SPATA1: variants seen among roughly 807,000 people sequenced by gnomAD.
SPATA1 encodes the protein spermatogenesis-associated protein 1.
In SPATA1, 57 loss-of-function variants were observed where a neutral mutation model predicts 59.6. The observed-to-expected ratio is 0.96, with a 90% CI of 0.77 to 1.19. The LOEUF (loss-of-function observed/expected upper bound fraction) is 1.19, where lower values mean the gene tolerates loss of function less well. SPATA1 is among the 50% of genes most tolerant of loss of function. The pLI is 0.00. For synonymous variants in SPATA1, 147 were observed against 163.9 expected, an observed-to-expected ratio of 0.90 and a Z score of 0.79; for missense variants, 448 against 480.7, an observed-to-expected ratio of 0.93 and a Z score of 0.64.
chr1:84,520,310 A>G (rs17110695), intron 2 of SPATA1: 13,484 of 298,908 alleles, frequency 0.045, 523 homozygotes, highest in African/African-American at 0.12. Flanking sequence ...TTCTTACTGC[A>G]GGCCACAGAA....
chr1:84,514,143 C>G (rs1289075713), intron 1 of SPATA1, among the ~76,000 whole-genome samples: 3 of 152,150 alleles, frequency 2.0e-5, no homozygotes, highest in Admixed American at 1.3e-4. Context: ...CCACGCCCGG[C>G]TCTCTTTTCT....
At chr1:84,525,781 A>C (rs539475469) in intron 5 of SPATA1, 32 bp downstream of exon 5, 1 of 1,604,934 alleles carries the variant, frequency 6.2e-7, no homozygotes, top group Admixed American at 1.8e-5. Flanking sequence ...ACTTATGCTA[A>C]TTTTTAACTT....
intron 1 of SPATA1, among the ~76,000 whole-genome samples, chr1:84,512,949 A>G (rs1362546806): frequency 1.3e-5 from 2 of 152,210 alleles, no homozygotes; most frequent in Non-Finnish European, 2.9e-5. Flanking sequence ...ATTTTTGGTT[A>G]TTGAGATATC....
intron 1 of SPATA1, among the ~76,000 whole-genome samples, chr1:84,513,372 TG>T (rs1218230884): frequency 6.6e-6 from 1 of 152,212 alleles, no homozygotes; most frequent in Non-Finnish European, 1.5e-5. Flanking sequence ...CGACCACAGG[TG>T]ATCTGCCTGC....
At chr1:84,548,505 G>A (rs1029541719) in intron 10 of SPATA1, among the ~76,000 whole-genome samples, 6 of 147,292 alleles carry the variant, frequency 4.1e-5, no homozygotes, top group Non-Finnish European at 8.9e-5. Flanking sequence ...ACTATTCAAT[G>A]TATTACTTTT....
intron 1 of SPATA1, among the ~76,000 whole-genome samples, chr1:84,512,131 G>A (rs534155141): frequency 3.3e-5 from 5 of 152,266 alleles, no homozygotes; most frequent in African/African-American, 1.2e-4. Flanking sequence ...TAGACTTCAC[G>A]CCTTGGTGAT....
intron 4 of SPATA1, chr1:84,564,019 T>C (rs560446920): frequency 1.1e-4 from 29 of 268,792 alleles, no homozygotes; most frequent in Non-Finnish European, 1.7e-4. Context: ...TTCTAAACCA[T>C]TTCTCTTTGA....
At chr1:84,511,567 A>G (rs1682548874) in intron 1 of SPATA1, among the ~76,000 whole-genome samples, 1 of 151,568 alleles carries the variant, frequency 6.6e-6, no homozygotes. Context: ...GGACGTGTCT[A>G]GAAAACAAAC....
chr1:84,533,000 C>A, intron 7 of SPATA1, 26 bp downstream of exon 7: 2 of 1,425,120 alleles, frequency 1.4e-6, no homozygotes, highest in Non-Finnish European at 1.9e-6. Flanking sequence ...GCTGATTCCA[C>A]ATGCCATAAT....
downstream of SPATA1, among the ~76,000 whole-genome samples, chr1:84,557,531 C>A (rs1684471826): frequency 2.8e-5 from 2 of 71,242 alleles, no homozygotes; most frequent in Non-Finnish European, 2.5e-5. Flanking sequence ...AAAACTCCAT[C>A]TCAAAAAAAA....
intron 1 of SPATA1, among the ~76,000 whole-genome samples, chr1:84,511,900 T>TA (rs1377092966): frequency 2.0e-5 from 3 of 152,104 alleles, no homozygotes; most frequent in Non-Finnish European, 4.4e-5. Context: ...CAGGCTGGTC[T>TA]CAAACTCCCG....
intron 4 of SPATA1, among the ~76,000 whole-genome samples, chr1:84,561,709 G>A (rs1353400284): frequency 3.3e-5 from 5 of 152,116 alleles, no homozygotes; most frequent in African/African-American, 2.4e-5. Flanking sequence ...CCACCACCCT[G>A]ATCAGTCAGC....
chr1:84,558,365 C>A (rs932919723), downstream of SPATA1, among the ~76,000 whole-genome samples: 2 of 150,946 alleles, frequency 1.3e-5, no homozygotes, highest in African/African-American at 4.9e-5. Flanking sequence ...TCTCGGCTCA[C>A]TGCAAGCTCC....
At chr1:84,558,582 C>T (rs1180932297), downstream of SPATA1, among the ~76,000 whole-genome samples, 2 of 149,144 alleles carry the variant, frequency 1.3e-5, no homozygotes, top group Non-Finnish European at 3.0e-5. Flanking sequence ...TGAGCCACCG[C>T]GCCCGGCCAC....
At chr1:84,550,921 G>A (rs1684251661) in intron 12 of SPATA1, 1 of 977,652 alleles carries the variant, frequency 1.0e-6, no homozygotes, top group Non-Finnish European at 1.2e-6. Context: ...ATTTTTTCTG[G>A]TTATTTTCAT....
chr1:84,519,305 A>G (rs1682922664), intron 2 of SPATA1, among the ~76,000 whole-genome samples: 1 of 152,088 alleles, frequency 6.6e-6, no homozygotes. Flanking sequence ...TAAAGTCAGG[A>G]AGGTAAGATT....
At chr1:84,564,677 C>A (rs1057493987) in intron 4 of SPATA1, among the ~76,000 whole-genome samples, 2 of 152,068 alleles carry the variant, frequency 1.3e-5, no homozygotes, top group African/African-American at 2.4e-5. Flanking sequence ...TAATGTCTTG[C>A]CTGAAACACA....
At chr1:84,552,662 G>GT (rs746536674) in intron 12 of SPATA1, 37 of 163,124 alleles carry the variant, frequency 2.3e-4, no homozygotes, top group East Asian at 7.3e-4. Flanking sequence ...GGAATTAAGG[G>GT]TTTTTTTTGT....
At chr1:84,557,790 G>C (rs1326365793), downstream of SPATA1, among the ~76,000 whole-genome samples, 1 of 151,272 alleles carries the variant, frequency 6.6e-6, no homozygotes, top group Non-Finnish European at 1.5e-5. Context: ...CCCGGGAGGC[G>C]GAGCTTGCAG....
Sources: gnomAD v4.1 joint callset for allele counts (sites outside exome capture counted in the v4.1 genomes callset) on GRCh38, gnomAD v4.1.1 for gene constraint, MANE v1.5 for transcripts, NCBI Gene and HGNC (gene_info 2026-07-23, HGNC 2026-07-21) for gene names.